The following ALPK2 variants were observed in gnomAD, a reference collection of about 807,000 sequenced individuals.
ALPK2 encodes the protein alpha kinase 2.
In ALPK2, 127 loss-of-function variants were observed where a neutral mutation model predicts 163.1. The observed-to-expected ratio is 0.78, with a 90% confidence interval of 0.67 to 0.90. The LOEUF (loss-of-function observed/expected upper bound fraction) is 0.90, where lower values mean the gene tolerates loss of function less well. ALPK2 is among the 40% of genes least tolerant of loss of function. ALPK2 has a pLI of 0.00. For missense variants in ALPK2, 2,360 were observed against 2,589.6 expected, an observed-to-expected ratio of 0.91 and a Z score of 1.92; for synonymous variants, 953 against 959.1, an observed-to-expected ratio of 0.99 and a Z score of 0.12.
intron 4 of ALPK2, among the ~76,000 whole-genome samples, chr18:58,566,859 G>T (rs1484741861): frequency 6.6e-6 from 1 of 152,058 alleles, no homozygotes; most frequent in Non-Finnish European, 1.5e-5. Flanking sequence ...TAAATTTCTT[G>T]TTGTTTCCAA....
chr18:58,615,574 T>C (rs1338407558), intron 1 of ALPK2, among the ~76,000 whole-genome samples: 1 of 152,244 alleles, frequency 6.6e-6, no homozygotes, highest in Non-Finnish European at 1.5e-5. Context: ...ATCAGCGTAG[T>C]ATAAGGAAAG....
chr18:58,486,379 C>T (rs779477190), intron 12 of ALPK2, among the ~76,000 whole-genome samples: 13 of 152,194 alleles, frequency 8.5e-5, no homozygotes, highest in Non-Finnish European at 1.5e-4. Context: ...CCAACCTCCT[C>T]CCTGCATCTT....
At position 58,607,399 on chromosome 18, in the gene ALPK2, C is replaced by T. The variant is rs2052103761; in HGVS notation, c.150G>A (p.Gln50=). The change falls in exon 3 of 13, where the codon CAG becomes CAA. Residue 50 remains glutamine, a synonymous_variant. Transcript: ENST00000361673. ...KPEVTWYKNG[Q]AIDGSGIISN... ...AAATAATGCCACTCCCATCGATGGC[C>T]TGACCATTCTTATACCAAGTTACCT... 1 of 1,613,298 alleles carries T rather than the reference C, an allele frequency of 6.2e-7. No individual in the cohort carries two copies. Among genetic ancestry groups the T allele is most frequent in the African/African-American group, 1.3e-5 (1 of 74,796 alleles).
At chr18:58,523,887 T>A in intron 7 of ALPK2, 46 bp from the exon 8 acceptor site, 5 of 1,614,200 alleles carry the variant, frequency 3.1e-6, no homozygotes, top group Non-Finnish European at 4.2e-6. Context: ...AGATGTCCAT[T>A]GTGAACGGGC....
In ALPK2 at chr18:58,496,509, A is replaced by G. The variant is rs544105877; in HGVS notation, c.6296+1540T>C. Among the ~76,000 whole-genome samples, 11 of 152,360 alleles carry G rather than the reference A, an allele frequency of 7.2e-5. No homozygotes were observed. The South Asian group carries it at 1.5e-3, about 20-fold the overall frequency. ...GCAATCGGCGAGAACTTCATGAATC[A>G]GACTTACTGACCTGGAGGTTAAAAG... On this transcript the variant is annotated intron_variant, in intron 12 of 12. Coordinates refer to ENST00000361673, the MANE Select transcript of ALPK2 (RefSeq NM_052947.4).
At chr18:58,627,593 C>T (rs1171223278) in intron 1 of ALPK2, among the ~76,000 whole-genome samples, 5 of 152,122 alleles carry the variant, frequency 3.3e-5, no homozygotes, top group African/African-American at 9.7e-5. Context: ...ACATTGTACT[C>T]CAGCCTGGGC....
In ALPK2 at chr18:58,537,631, TAAATC is replaced by T; in HGVS notation, c.2551_2555del (p.Asp851MetfsTer4). ...CCAGTGTCTTGTCATTAGAAGAACA[TAAATC>T]AGATACTTTGTTTTGACCTTCTGCC... On this transcript the variant is annotated frameshift_variant, in exon 5 of 13. Coordinates refer to ENST00000361673, the MANE Select transcript of ALPK2 (RefSeq NM_052947.4). LOFTEE classifies it high-confidence loss of function. The T allele has an allele frequency of 6.2e-7, 1 of 1,613,568 alleles. No homozygotes were observed. The highest frequency in any genetic ancestry group is 8.5e-7 in the Non-Finnish European group (1 of 1,179,516).
rs536041178 is a variant in ALPK2, at chr18:58,495,231, GAAAAAGACTGTGGCTTA to G, written c.6296+2801_6296+2817del. On this transcript the variant is annotated intron_variant, in intron 12 of 12. Coordinates refer to ENST00000361673, the MANE Select transcript of ALPK2 (RefSeq NM_052947.4). ...TGATTGTAAGATATATTTCTTTTGG[GAAAAAGACTGTGGCTTA>G]AAAAGGTAACGTTTAAAGAAAAGTT... 3.2e-3 allele frequency among the ~76,000 whole-genome samples: 486 copies of G among 152,218 alleles called. 2 individuals carry two copies. The highest frequency in any genetic ancestry group is 0.014 in the Middle Eastern group (4 of 294).
chr18:58,486,244 C>G (rs1340962700), intron 12 of ALPK2, among the ~76,000 whole-genome samples: 1 of 152,222 alleles, frequency 6.6e-6, no homozygotes, highest in African/African-American at 2.4e-5. Flanking sequence ...ATGGCTGTGC[C>G]TGGGCTTGGT....
chr18:58,563,488 G>A (rs1313136586), intron 4 of ALPK2, among the ~76,000 whole-genome samples: 1 of 152,180 alleles, frequency 6.6e-6, no homozygotes, highest in Non-Finnish European at 1.5e-5. Context: ...ATTTAGGCTA[G>A]AATTGGTGTG....
chr18:58,607,214 A>T, intron 3 of ALPK2, 108 bp downstream of exon 3: 1 of 682,178 alleles, frequency 1.5e-6, no homozygotes, highest in South Asian at 3.1e-5. Flanking sequence ...TAAAATTATG[A>T]CTCTAGAAGC....
At chr18:58,576,038 A>G (rs1287384665) in intron 4 of ALPK2, among the ~76,000 whole-genome samples, 1 of 152,194 alleles carries the variant, frequency 6.6e-6, no homozygotes, top group Non-Finnish European at 1.5e-5. Context: ...CTGTTTCTGC[A>G]AAAAGGCACC....
chr18:58,559,975 G>T (rs923605810), intron 4 of ALPK2, among the ~76,000 whole-genome samples: 1 of 152,216 alleles, frequency 6.6e-6, no homozygotes, highest in Non-Finnish European at 1.5e-5. Flanking sequence ...GAGGTCAGAA[G>T]TCCAACATGA....
intron 4 of ALPK2, among the ~76,000 whole-genome samples, chr18:58,540,528 C>T (rs1368733131): frequency 6.6e-6 from 1 of 152,106 alleles, no homozygotes; most frequent in Non-Finnish European, 1.5e-5. Context: ...GTAAAGAGTA[C>T]TTTTCTGGTT....
intron 6 of ALPK2, among the ~76,000 whole-genome samples, chr18:58,528,366 T>C (rs1210440020): frequency 6.6e-6 from 1 of 152,092 alleles, no homozygotes; most frequent in African/African-American, 2.4e-5. Flanking sequence ...ACCCTGTCTC[T>C]ACTAAAAATA....
intron 4 of ALPK2, among the ~76,000 whole-genome samples, chr18:58,574,294 C>A (rs961639173): frequency 1.6e-4 from 23 of 145,624 alleles, no homozygotes; most frequent in South Asian, 1.3e-3. Flanking sequence ...AAAAAAAAAA[C>A]AAAAATCAGC....
chr18:58,539,479 C>G (rs772007386), intron 4 of ALPK2, among the ~76,000 whole-genome samples: 3 of 152,150 alleles, frequency 2.0e-5, no homozygotes. Flanking sequence ...TGACTAAATC[C>G]TTGTCTCATG....
At chr18:58,497,946 G>A (rs949721303) in intron 12 of ALPK2, 103 bp downstream of exon 12, 5 of 998,358 alleles carry the variant, frequency 5.0e-6, no homozygotes, top group East Asian at 2.4e-5. Flanking sequence ...TCCACAGTTA[G>A]GACAAGAAAT....
rs567560869 is a variant in ALPK2, at chr18:58,543,265, A to G, written c.1963-5041T>C. On this transcript the variant is annotated intron_variant, in intron 4 of 12. Coordinates refer to ENST00000361673, the MANE Select transcript of ALPK2 (RefSeq NM_052947.4). ...GGACTTCTCAGTCTCCAGAGCTGTA[A>G]GAAATACATTTCTTTTCTTTATAAA... 7.7e-6 allele frequency: 6 copies of G among 774,546 alleles called. No homozygotes were observed. In the African/African-American group the frequency reaches 9.4e-5, roughly 12 times the overall value. 48.0% of individuals were successfully genotyped at this position (774,546 alleles called of 1,614,324 possible). A position where few individuals can be genotyped will look rare whatever the true frequency, so the allele number is the denominator to read the frequency against.
Sources: gnomAD v4.1 joint callset for allele counts (sites outside exome capture counted in the v4.1 genomes callset) on GRCh38, gnomAD v4.1.1 for gene constraint, MANE v1.5 for transcripts, NCBI Gene and HGNC (gene_info 2026-07-23, HGNC 2026-07-21) for gene names.